The following PP2D1 variants were observed in gnomAD, a reference collection of about 807,000 sequenced individuals.
PP2D1 encodes protein phosphatase 2C like domain containing 1, also known as protein phosphatase 2C-like domain-containing protein 1.
PP2D1 carries 25 observed loss-of-function variants against 30.2 expected under a neutral mutation model. That is an observed-to-expected ratio of 0.83 (90% CI 0.60 to 1.16). PP2D1 has a LOEUF of 1.16. Among genes scored for constraint, PP2D1 ranks in the 50% most tolerant of loss-of-function variants. The pLI is 0.00. For synonymous variants in PP2D1, 260 were observed against 258.9 expected (o/e 1.00, Z -0.04); for missense variants, 760 against 742.4 (o/e 1.02, Z -0.28).
downstream of PP2D1, chr3:19,984,758 T>C (rs956746732): frequency 3.9e-5 from 6 of 153,016 alleles, no homozygotes; most frequent in African/African-American, 1.4e-4. Flanking sequence ...ATTACTTTTC[T>C]GTAATATTTA....
At chr3:19,993,717 A>G (rs1697144233) in intron 2 of PP2D1, among the ~76,000 whole-genome samples, 1 of 152,002 alleles carries the variant, frequency 6.6e-6, no homozygotes, top group Admixed American at 6.5e-5. Flanking sequence ...TCCAGTGTGG[A>G]TAACAGAGCA....
chr3:20,002,377 G>A (rs984612482), intron 1 of PP2D1, among the ~76,000 whole-genome samples: 1 of 152,162 alleles, frequency 6.6e-6, no homozygotes, highest in African/African-American at 2.4e-5. Flanking sequence ...TTAGACATGC[G>A]AAAGTATGTA....
intron 1 of PP2D1, among the ~76,000 whole-genome samples, chr3:20,007,535 G>A (rs1298074083): frequency 6.6e-6 from 1 of 152,072 alleles, no homozygotes; most frequent in Non-Finnish European, 1.5e-5. Context: ...TAGGGAGGCC[G>A]AGGCTGTCGG....
At chr3:19,988,819 T>A (rs1023273227) in intron 2 of PP2D1, among the ~76,000 whole-genome samples, 6 of 152,130 alleles carry the variant, frequency 3.9e-5, no homozygotes, top group Non-Finnish European at 8.8e-5. Context: ...CATGAAATAT[T>A]GGGGGTGGTT....
At chr3:19,986,892 C>T (rs1015973565) in intron 2 of PP2D1, among the ~76,000 whole-genome samples, 21 of 151,908 alleles carry the variant, frequency 1.4e-4, no homozygotes, top group African/African-American at 4.8e-4. Context: ...AAAAATTAGC[C>T]GGACGTGGTG....
chr3:20,004,474 T>C (rs1697294194), intron 1 of PP2D1, among the ~76,000 whole-genome samples: 1 of 152,160 alleles, frequency 6.6e-6, no homozygotes, highest in African/African-American at 2.4e-5. Context: ...GTGTTCTAAT[T>C]AGAGAGTTCA....
chr3:20,001,386 T>A lies in PP2D1; in HGVS notation c.734A>T (p.Gln245Leu), dbSNP rs199921992. The A allele has an allele frequency of 4.1e-4, 637 of 1,536,632 alleles. No homozygotes were observed. The highest frequency in any genetic ancestry group is 3.5e-3 in the Middle Eastern group (21 of 5,992). ...AGTGTAAAAGGAATTGATTATTTGT[T>A]GCTCATCAGTTGTCATTTGGTAAGA... ...DPSYQMTTDEQQIINSFYTVF... is the reference protein window; with the variant it reads ...DPSYQMTTDELQIINSFYTVF... Residue 245 changes from glutamine (Q) to leucine (L), a missense_variant, in exon 2 of 3, where the codon CAA (glutamine) becomes CTA (leucine). Around this residue, in one of 3 missense-constraint regions of PP2D1, gnomAD observed 374 missense variants for 388.8 expected, o/e 0.96. Transcript: ENST00000389050.
chr3:19,983,869 TTAA>T, downstream of PP2D1: 1 of 1,297,374 alleles, frequency 7.7e-7, no homozygotes, highest in Admixed American at 1.9e-5. Context: ...TTCCTAAATG[TTAA>T]TAACAATGGA....
At chr3:19,999,468 G>A (rs1376805924) in intron 2 of PP2D1, among the ~76,000 whole-genome samples, 1 of 151,470 alleles carries the variant, frequency 6.6e-6, no homozygotes, top group Non-Finnish European at 1.5e-5. Context: ...TGCAACCTCC[G>A]CCTCTCAGGC....
chr3:19,985,224 A>G (rs1264887696), downstream of PP2D1: 10 of 610,662 alleles, frequency 1.6e-5, no homozygotes, highest in Non-Finnish European at 2.7e-5. Flanking sequence ...CAGTGAATAT[A>G]TATAAATGAT....
At chr3:19,999,842 T>C (rs1248813225) in intron 2 of PP2D1, among the ~76,000 whole-genome samples, 2 of 152,216 alleles carry the variant, frequency 1.3e-5, no homozygotes, top group African/African-American at 4.8e-5. Context: ...AAATCTGTAA[T>C]GATTATGTCT....
At chr3:19,988,242 G>A (rs1553640564) in intron 2 of PP2D1, among the ~76,000 whole-genome samples, 1 of 152,184 alleles carries the variant, frequency 6.6e-6, no homozygotes, top group Non-Finnish European at 1.5e-5. Context: ...AAGCAAATAG[G>A]AGAAATACCG....
intron 2 of PP2D1, among the ~76,000 whole-genome samples, chr3:19,998,675 G>T (rs1001957874): frequency 2.6e-5 from 4 of 152,072 alleles, no homozygotes; most frequent in African/African-American, 9.6e-5. Context: ...TGTATTCAAT[G>T]GCTTCATCAT....
At chr3:20,011,150 G>C (rs969685056) in intron 1 of PP2D1, among the ~76,000 whole-genome samples, 1 of 152,154 alleles carries the variant, frequency 6.6e-6, no homozygotes, top group African/African-American at 2.4e-5. Flanking sequence ...AGAATGATCA[G>C]TTAGCCGGCA....
chr3:20,005,864 G>A (rs569512969), intron 1 of PP2D1, among the ~76,000 whole-genome samples: 1 of 152,248 alleles, frequency 6.6e-6, no homozygotes, highest in South Asian at 2.1e-4. Context: ...GGTGAGCTGA[G>A]ATCAAGCCAT....
chr3:19,994,826 CTT>C (rs1233584035), intron 2 of PP2D1, among the ~76,000 whole-genome samples: 1 of 152,148 alleles, frequency 6.6e-6, no homozygotes, highest in African/African-American at 2.4e-5. Flanking sequence ...TCAAGTGAGT[CTT>C]TCTCAAGTGT....
At chr3:19,983,468 A>T (rs1696971994), downstream of PP2D1, among the ~76,000 whole-genome samples, 1 of 152,114 alleles carries the variant, frequency 6.6e-6, no homozygotes, top group Non-Finnish European at 1.5e-5. Flanking sequence ...TTTTAATTGT[A>T]TCTACAACCA....
downstream of PP2D1, chr3:19,984,009 C>T: frequency 5.5e-6 from 3 of 544,494 alleles, no homozygotes; most frequent in Non-Finnish European, 6.7e-6. Context: ...GGGTCCCTCT[C>T]ACTAATGTTT....
chr3:19,991,028 C>G (rs562246312), intron 2 of PP2D1, among the ~76,000 whole-genome samples: 4 of 152,284 alleles, frequency 2.6e-5, no homozygotes, highest in East Asian at 3.9e-4. Flanking sequence ...TTAATCTAAG[C>G]ATAAATGAAT....
Sources: gnomAD v4.1 joint callset for allele counts (sites outside exome capture counted in the v4.1 genomes callset) on GRCh38, gnomAD v4.1.1 for gene constraint, gnomAD v4.1.1 regional missense constraint, MANE v1.5 for transcripts, NCBI Gene and HGNC (gene_info 2026-07-23, HGNC 2026-07-21) for gene names.